Variants in DYNC2H1 observed in about 807,000 individuals in gnomAD.
DYNC2H1 encodes dynein cytoplasmic 2 heavy chain 1, also known as cytoplasmic dynein 2 heavy chain 1.
A neutral mutation model predicts 570.0 loss-of-function variants in DYNC2H1; 410 were observed. The observed-to-expected ratio is 0.72, with a 90% CI of 0.66 to 0.78. The LOEUF is 0.78. Among genes scored for constraint, DYNC2H1 ranks in the 30% least tolerant of loss-of-function variants. The probability of loss-of-function intolerance (pLI) is 0.00; values close to 1 mark genes in which losing one functional copy is unlikely to be tolerated. For synonymous variants in DYNC2H1, 1,688 were observed against 1,677.6 expected (o/e 1.01, Z -0.15); for missense variants, 4,865 against 5,046.4 (o/e 0.96, Z 1.09).
At chr11:103,229,177 C>A (rs1374816919) in intron 59 of DYNC2H1, among the ~76,000 whole-genome samples, 1 of 152,188 alleles carries the variant, frequency 6.6e-6, no homozygotes, top group East Asian at 1.9e-4. Context: ...GTTGAGAAAG[C>A]AAGCGGACTT....
At chr11:103,383,498 G>T (rs1239084913) in intron 83 of DYNC2H1, among the ~76,000 whole-genome samples, 1 of 148,092 alleles carries the variant, frequency 6.8e-6, no homozygotes, top group Non-Finnish European at 1.5e-5. Context: ...TTTTGAGATG[G>T]AGTCTCGCTC....
At chr11:103,343,404 A>G (rs1939576221) in intron 82 of DYNC2H1, among the ~76,000 whole-genome samples, 1 of 151,960 alleles carries the variant, frequency 6.6e-6, no homozygotes, top group South Asian at 2.1e-4. Flanking sequence ...AGTTTCTCCT[A>G]TAAGAATGAT....
At chr11:103,359,268 T>A (rs982631240) in intron 83 of DYNC2H1, among the ~76,000 whole-genome samples, 1 of 152,232 alleles carries the variant, frequency 6.6e-6, no homozygotes, top group African/African-American at 2.4e-5. Context: ...TTAATGAAGT[T>A]GCGAGGACAG....
Position 103,280,625 on chromosome 11 carries a change from A to G in DYNC2H1, c.10761+212A>G, listed in dbSNP as rs562890547. ...TCCAGAGTGATGGTAAAGCAGGGAA[A>G]GAAATCTACAAAGCTGCCTACATTT... On this transcript the variant is annotated intron_variant, in intron 71 of 88. Coordinates refer to ENST00000375735, the MANE Select transcript of DYNC2H1 (RefSeq NM_001377.3). This position sits in a 1 kb window ranked among gnomAD's most constrained non-coding sequence, Gnocchi z 4.7. 6.0e-4 allele frequency among the ~76,000 whole-genome samples: 92 copies of G among 152,282 alleles called. No individual in the cohort carries two copies. Among genetic ancestry groups the G allele is most frequent in the African/African-American group, 2.1e-3 (87 of 41,584 alleles).
intron 7 of DYNC2H1, 44 bp downstream of exon 7, chr11:103,120,625 G>C: frequency 6.3e-7 from 1 of 1,594,190 alleles, no homozygotes. Flanking sequence ...TCCTGTTTAT[G>C]TTGTTCTTTT....
rs142346302 is a variant in DYNC2H1, at chr11:103,309,262, C to A, written c.11493+1431C>A. On this transcript the variant is annotated intron_variant, in intron 78 of 88. Transcript: ENST00000375735. ...CTATCACAGCTCACTGCAGTCTCGA[C>A]CTGCTGGGCTCAAGCAATCCTCCCA... is the stretch of plus-strand genomic sequence containing the variant. Among the ~76,000 whole-genome samples the A allele has an allele frequency of 5.5e-3, 794 of 144,376 alleles. 6 individuals are homozygous for A. The highest frequency in any genetic ancestry group is 0.019 in the African/African-American group (757 of 39,490). 94.7% of individuals were successfully genotyped at this position (144,376 alleles called of 152,430 possible).
chr11:103,458,293 C>A (rs918096664), intron 87 of DYNC2H1, among the ~76,000 whole-genome samples: 2 of 152,040 alleles, frequency 1.3e-5, no homozygotes, highest in Admixed American at 1.3e-4. Flanking sequence ...GATTTGTTTC[C>A]TAGGAGCAAT....
chr11:103,477,419 A>T (rs2135873995), intron 88 of DYNC2H1, among the ~76,000 whole-genome samples: 1 of 152,330 alleles, frequency 6.6e-6, no homozygotes, highest in Middle Eastern at 3.4e-3. Context: ...AAAATCATAT[A>T]AATTCAGTAA....
intron 54 of DYNC2H1, among the ~76,000 whole-genome samples, chr11:103,212,335 A>G (rs1314602985): frequency 6.6e-6 from 1 of 152,042 alleles, no homozygotes; most frequent in African/African-American, 2.4e-5. Context: ...GGCAACAAAT[A>G]TGGTGCAGTG....
At chr11:103,335,355 G>A (rs1208767488) in intron 82 of DYNC2H1, among the ~76,000 whole-genome samples, 1 of 151,886 alleles carries the variant, frequency 6.6e-6, no homozygotes, top group Non-Finnish European at 1.5e-5. Flanking sequence ...TGCCTGCCCT[G>A]GTTTATATGG....
intron 34 of DYNC2H1, 96 bp downstream of exon 34, chr11:103,171,164 A>G (rs947175137): frequency 1.8e-6 from 2 of 1,096,120 alleles, no homozygotes; most frequent in African/African-American, 1.6e-5. Context: ...TTCTCCTGAC[A>G]TCCGTGTTTC....
At chr11:103,382,971 C>G (rs1024016050) in intron 83 of DYNC2H1, among the ~76,000 whole-genome samples, 4 of 152,188 alleles carry the variant, frequency 2.6e-5, no homozygotes, top group Non-Finnish European at 5.9e-5. Context: ...GCAGCTACCT[C>G]CCCTAGAGCT....
At chr11:103,274,756 C>G (rs1865842973) in intron 70 of DYNC2H1, among the ~76,000 whole-genome samples, 1 of 152,126 alleles carries the variant, frequency 6.6e-6, no homozygotes, top group African/African-American at 2.4e-5. Flanking sequence ...CACACTTGAA[C>G]AATGGCCAAT....
In DYNC2H1 at chr11:103,166,044, T is replaced by C; in HGVS notation, c.4758T>C (p.Asn1586=). The C allele has an allele frequency of 6.6e-7, 1 of 1,519,330 alleles. No individual in the cohort carries two copies. Among genetic ancestry groups the C allele is most frequent in the Non-Finnish European group, 8.8e-7 (1 of 1,132,672 alleles). The allele number at this position is 1,519,330 out of a possible 1,614,324, so 94.1% of individuals were successfully genotyped here. A position where few individuals can be genotyped will look rare whatever the true frequency, so the allele number is the denominator to read the frequency against. ...NIDTSSEDPG[N]TESGILELKL... ...ATACAAGTTCTGAGGATCCAGGGAA[T>C]ACTGGTATGGAAAAGACATTCCCTT... is the stretch of plus-strand genomic sequence containing the variant. Residue 1586 remains asparagine, a synonymous_variant, in exon 31 of 89, where the codon AAT becomes AAC. Transcript: ENST00000375735.
At chr11:103,337,248 C>T (rs1008969572) in intron 82 of DYNC2H1, among the ~76,000 whole-genome samples, 10 of 152,168 alleles carry the variant, frequency 6.6e-5, no homozygotes, top group African/African-American at 2.4e-4. Context: ...ATGCTTATCA[C>T]TGGCTTGCTG....
intron 54 of DYNC2H1, among the ~76,000 whole-genome samples, chr11:103,212,607 C>T (rs951547634): frequency 2.6e-5 from 4 of 151,798 alleles, no homozygotes; most frequent in Admixed American, 1.3e-4. Flanking sequence ...GTTTTCTTTC[C>T]GTATTTCTTT....
intron 75 of DYNC2H1, among the ~76,000 whole-genome samples, chr11:103,292,639 C>T (rs768027074): frequency 1.3e-5 from 2 of 152,156 alleles, no homozygotes; most frequent in South Asian, 4.1e-4. Flanking sequence ...GGGGCAGATC[C>T]CTTGTGGCTT....
At chr11:103,331,824 G>A (rs1214908244) in intron 82 of DYNC2H1, among the ~76,000 whole-genome samples, 1 of 152,198 alleles carries the variant, frequency 6.6e-6, no homozygotes, top group African/African-American at 2.4e-5. Flanking sequence ...CACTTTGGGA[G>A]GCTGAGGTGG....
Position 103,203,675 on chromosome 11 carries a change from G to A in DYNC2H1, c.8210G>A (p.Gly2737Glu). The A allele has an allele frequency of 3.7e-6, 6 of 1,603,168 alleles. No homozygotes were observed. Among genetic ancestry groups the A allele is most frequent in the Non-Finnish European group, 4.3e-6 (5 of 1,175,974 alleles). The change falls in exon 51 of 89, where the codon GGA (glycine) becomes GAA (glutamate). Residue 2737 changes from glycine (G) to glutamate (E), a missense_variant. This residue lies in a region of DYNC2H1 where 2,401 missense variants were observed against 2,454.6 expected (regional missense o/e 0.98). Transcript: ENST00000375735. The surrounding 1 kb of genome is among the most constrained non-coding windows in gnomAD (Gnocchi z 4.7). ...NSLLSSGEVP[G>E]LYTLEELEPL... ...TATTTTTCTGTAGGTGAAGTTCCTG[G>A]ACTCTATACTCTTGAAGAATTAGAG...
Sources: gnomAD v4.1 joint callset for allele counts (sites outside exome capture counted in the v4.1 genomes callset) on GRCh38, gnomAD v4.1.1 for gene constraint, gnomAD v4.1.1 regional missense constraint, Gnocchi (gnomAD v3.1) non-coding constraint, MANE v1.5 for transcripts, NCBI Gene and HGNC (gene_info 2026-07-23, HGNC 2026-07-21) for gene names.